FYB1: variants seen among roughly 807,000 people sequenced by gnomAD.
The protein encoded by FYB1 is FYN binding protein 1, also known as FYN-binding protein 1.
A neutral mutation model predicts 94.1 loss-of-function variants in FYB1; 41 were observed. The ratio of observed to expected loss-of-function variants is 0.44; its 90% CI spans 0.34 to 0.57. The LOEUF (loss-of-function observed/expected upper bound fraction) is 0.57, where lower values mean the gene tolerates loss of function less well. Among genes scored for constraint, FYB1 ranks in the 20% least tolerant of loss-of-function variants. The pLI, the probability that FYB1 is intolerant of heterozygous loss-of-function variation, is 0.02. For synonymous variants in FYB1, 367 were observed against 353.2 expected (o/e 1.04, Z -0.44); for missense variants, 1,050 against 976.8 (o/e 1.07, Z -1.00).
At chr5:39,244,049 A>T (rs548565329) in intron 1 of FYB1, among the ~76,000 whole-genome samples, 2 of 152,178 alleles carry the variant, frequency 1.3e-5, no homozygotes, top group South Asian at 4.1e-4. Context: ...GGGCTGAGAC[A>T]ATGGGGTTTT....
rs1749532844 is a variant in FYB1 at position 39,212,791 on chromosome 5, C to G, written c.-28+6652G>C. 3 of 152,196 alleles carry G rather than the reference C, an allele frequency of 2.0e-5. No individual in the cohort carries two copies. The South Asian group carries it at 6.2e-4, about 31-fold the overall frequency. 9.4% of individuals were successfully genotyped at this position (152,196 alleles called of 1,614,324 possible). ...ACCCTGCTCTTAGCACTCAGCCACT[C>G]TCTTTTCCCAGGCACGCTTCTCTTT... On this transcript the variant is annotated intron_variant, in intron 1 of 18. Transcript: ENST00000512982.
At chr5:39,264,090 A>G (rs1752329525) in intron 1 of FYB1, among the ~76,000 whole-genome samples, 1 of 152,166 alleles carries the variant, frequency 6.6e-6, no homozygotes. Flanking sequence ...CTTTCACTCT[A>G]CATTCGGATA....
intron 1 of FYB1, 45 bp from the exon 2 acceptor site, chr5:39,203,032 A>T: frequency 6.4e-7 from 1 of 1,552,662 alleles, no homozygotes; most frequent in Non-Finnish European, 8.8e-7. Flanking sequence ...CAAAAGTCTT[A>T]CTTGCACAGT....
At position 39,264,179 on chromosome 5, in the gene FYB1, G is replaced by A. The variant is rs185659820; in HGVS notation, c.-28+10224C>T. Reference sequence around the variant, plus strand: ...TTGCCATTATTTTCAATTTCAAGCAGTGGTAGATGAACATTCTTTTGCATA... The same window carrying A: ...TTGCCATTATTTTCAATTTCAAGCAATGGTAGATGAACATTCTTTTGCATA... On this transcript the variant is annotated intron_variant, in intron 1 of 1. Transcript: ENST00000510188. Among the ~76,000 whole-genome samples the A allele has an allele frequency of 3.5e-3, 536 of 152,254 alleles. 2 individuals are homozygous for A. The highest frequency in any genetic ancestry group is 0.01 in the Middle Eastern group (3 of 294).
chr5:39,124,281 A>G lies in FYB1; in HGVS notation c.2046-3T>C. The G allele has an allele frequency of 6.4e-7, 1 of 1,551,268 alleles. No individual in the cohort carries two copies. The highest frequency in any genetic ancestry group is 8.7e-7 in the Non-Finnish European group (1 of 1,150,616). ...ATTGTTTAGGAGGAGCAGGGAAACT[A>G]CAAAGAAAGTGAGAACACAATTATA... On this transcript the variant is annotated splice_region_variant and splice_polypyrimidine_tract_variant and intron_variant, in intron 12 of 18. Transcript: ENST00000512982.
chr5:39,139,825 G>A (rs1742006250), intron 4 of FYB1: 2 of 152,226 alleles, frequency 1.3e-5, no homozygotes, highest in Non-Finnish European at 2.9e-5. Context: ...AGAAAATTCA[G>A]TGACATACAC....
intron 2 of FYB1, among the ~76,000 whole-genome samples, chr5:39,155,641 A>G (rs575865484): frequency 6.6e-6 from 1 of 152,242 alleles, no homozygotes; most frequent in Admixed American, 6.5e-5. Context: ...ATAATTATAA[A>G]CAGTACATTT....
intron 7 of FYB1, among the ~76,000 whole-genome samples, chr5:39,136,962 G>A (rs1407247617): frequency 6.6e-6 from 1 of 152,150 alleles, no homozygotes; most frequent in Non-Finnish European, 1.5e-5. Context: ...AGATGGTGTA[G>A]CCAGGAGAAA....
chr5:39,268,716 C>A (rs1437776876), intron 1 of FYB1, among the ~76,000 whole-genome samples: 1 of 152,058 alleles, frequency 6.6e-6, no homozygotes. Flanking sequence ...CAGGCATGCG[C>A]CACCATGCCC....
intron 1 of FYB1, among the ~76,000 whole-genome samples, chr5:39,268,934 T>C (rs556443142): frequency 2.0e-5 from 3 of 152,344 alleles, no homozygotes; most frequent in African/African-American, 7.2e-5. Context: ...ACCAAATACA[T>C]GCTATCCAGT....
At chr5:39,198,931 A>G (rs1394010066) in intron 2 of FYB1, among the ~76,000 whole-genome samples, 1 of 152,088 alleles carries the variant, frequency 6.6e-6, no homozygotes, top group East Asian at 1.9e-4. Context: ...ACATGGAGAA[A>G]GTATTAAACT....
At chr5:39,195,510 T>C (rs1747751307) in intron 2 of FYB1, among the ~76,000 whole-genome samples, 1 of 152,182 alleles carries the variant, frequency 6.6e-6, no homozygotes, top group Non-Finnish European at 1.5e-5. Context: ...TTTCAAGTTG[T>C]TGTAGGCTGG....
At chr5:39,208,420 T>A (rs2150515960) in intron 1 of FYB1, among the ~76,000 whole-genome samples, 1 of 152,340 alleles carries the variant, frequency 6.6e-6, no homozygotes, top group South Asian at 2.1e-4. Context: ...AATCGGTTTT[T>A]CAAAAAATCT....
Position 39,201,832 on chromosome 5 carries a change from C to T in FYB1, c.1129G>A (p.Gly377Arg), listed in dbSNP as rs1748339063. 3 of 1,610,754 alleles carry T rather than the reference C, an allele frequency of 1.9e-6. No individual in the cohort carries two copies. The highest frequency in any genetic ancestry group is 1.3e-5 in the African/African-American group (1 of 74,806). The change falls in exon 2 of 19, where the codon GGA (glycine) becomes AGA (arginine). Residue 377 changes from glycine (G) to arginine (R), a missense_variant. Gly to Arg is a moderately radical substitution (Grantham distance 125). Transcript: ENST00000512982. ...DLTKFHKTSS[G>R]NSTSKGQTSY... ...AAACGAGAAAAGAACTCACTGTTTC[C>T]AGAAGAGGTTTTGTGGAATTTCGTC...
intron 3 of FYB1, among the ~76,000 whole-genome samples, 177 bp downstream of exon 3, chr5:39,153,271 G>A (rs1418859808): frequency 6.6e-6 from 1 of 152,174 alleles, no homozygotes; most frequent in African/African-American, 2.4e-5. Context: ...AATTCTAGGG[G>A]TATTTGCACT....
intron 2 of FYB1, among the ~76,000 whole-genome samples, chr5:39,195,236 C>G (rs1386354091): frequency 6.6e-6 from 1 of 152,178 alleles, no homozygotes; most frequent in African/African-American, 2.4e-5. Flanking sequence ...AAGAATAGCA[C>G]TTACCGCTAC....
At chr5:39,262,775 G>A (rs1579806862) in intron 1 of FYB1, among the ~76,000 whole-genome samples, 1 of 152,076 alleles carries the variant, frequency 6.6e-6, no homozygotes, top group East Asian at 1.9e-4. Flanking sequence ...AAAACCCAAT[G>A]TAGAGTGAAA....
At chr5:39,214,256 A>T (rs1268557050) in intron 1 of FYB1, among the ~76,000 whole-genome samples, 1 of 152,244 alleles carries the variant, frequency 6.6e-6, no homozygotes, top group Non-Finnish European at 1.5e-5. Context: ...GTTGGACAGG[A>T]TTTGGGGAAA....
chr5:39,228,588 A>G (rs1183950720), intron 1 of FYB1, among the ~76,000 whole-genome samples: 2 of 152,204 alleles, frequency 1.3e-5, no homozygotes, highest in African/African-American at 4.8e-5. Context: ...ATAAGCCTCC[A>G]GTTTTCTTGA....
Sources: gnomAD v4.1 joint callset for allele counts (sites outside exome capture counted in the v4.1 genomes callset) on GRCh38, gnomAD v4.1.1 for gene constraint, MANE v1.5 for transcripts, NCBI Gene and HGNC (gene_info 2026-07-23, HGNC 2026-07-21) for gene names.